C18orf54: variants seen among roughly 807,000 people sequenced by gnomAD.
C18orf54 encodes the protein lung adenoma susceptibility protein 2.
Under a neutral mutation model 49.3 loss-of-function variants are expected in C18orf54, and 49 were observed. The observed-to-expected ratio is 0.99, with a 90% CI of 0.79 to 1.26. The LOEUF is 1.26. Ranked by LOEUF, C18orf54 falls within the 50% of genes most tolerant of loss-of-function variation. C18orf54 has a pLI of 0.00. For synonymous variants in C18orf54, 211 were observed against 216.6 expected, an observed-to-expected ratio of 0.97 and a Z score of 0.23; for missense variants, 687 against 620.6, an observed-to-expected ratio of 1.11 and a Z score of -1.14.
intron 8 of C18orf54, among the ~76,000 whole-genome samples, chr18:54,374,788 A>G (rs978877401): frequency 6.6e-6 from 1 of 151,956 alleles, no homozygotes; most frequent in Admixed American, 6.5e-5. Context: ...CATGATATTG[A>G]CAGAAGAGAA....
At chr18:54,377,115 A>G (rs2089587897) in intron 8 of C18orf54, among the ~76,000 whole-genome samples, 2 of 152,020 alleles carry the variant, frequency 1.3e-5, no homozygotes, top group Non-Finnish European at 2.9e-5. Context: ...GGGTCACTGC[A>G]GTCTCCACCT....
chr18:54,361,838 G>A lies in C18orf54; in HGVS notation c.479G>A (p.Gly160Asp). Residue 160 changes from glycine (G) to aspartate (D), a missense_variant, in exon 4 of 9, where the codon GGT becomes GAT. Transcript: ENST00000620105. ...KKNKKCRGRL[G>D]SLDIEKNPHF... ...AACAAGAAATGCCGTGGAAGACTGG[G>A]TTCATTGGACATTGAGAAGAATCCA... 1 of 1,614,028 alleles carries A rather than the reference G, an allele frequency of 6.2e-7. No individual in the cohort carries two copies. Among genetic ancestry groups the A allele is most frequent in the South Asian group, 1.1e-5 (1 of 91,066 alleles).
chr18:54,372,984 C>T (rs1490236142), intron 7 of C18orf54, among the ~76,000 whole-genome samples: 1 of 151,868 alleles, frequency 6.6e-6, no homozygotes, highest in Non-Finnish European at 1.5e-5. Flanking sequence ...TTCCTTCACA[C>T]ACCTTTCTCC....
In C18orf54 at chr18:54,379,399, C is replaced by G. The variant is rs1187314086; in HGVS notation, c.*1153C>G. ...GTAGATTATTGTCAAATAGGAATTTCTAAGCACATTGAGTCAAAGCATTTT... is the reference window on the plus strand; with the variant it reads ...GTAGATTATTGTCAAATAGGAATTTGTAAGCACATTGAGTCAAAGCATTTT... On this transcript the variant is annotated 3_prime_UTR_variant, in exon 9 of 9. Coordinates refer to ENST00000620105, the MANE Select transcript of C18orf54 (RefSeq NM_001288980.2). 3 of 151,684 alleles carry G rather than the reference C, an allele frequency of 2.0e-5. No individual in the cohort carries two copies. Among genetic ancestry groups the G allele is most frequent in the African/African-American group, 7.3e-5 (3 of 41,298 alleles). The allele number at this position is 151,684 out of a possible 1,614,324, so 9.4% of individuals were successfully genotyped here. A position where few individuals can be genotyped will look rare whatever the true frequency, so the allele number is the denominator to read the frequency against.
At chr18:54,375,639 T>A (rs1380226161) in intron 8 of C18orf54, among the ~76,000 whole-genome samples, 1 of 151,926 alleles carries the variant, frequency 6.6e-6, no homozygotes, top group Non-Finnish European at 1.5e-5. Flanking sequence ...AGTCATTTAA[T>A]CACCACAAAA....
In C18orf54 at chr18:54,362,262, G is replaced by T. The variant is rs1393783086; in HGVS notation, c.903G>T (p.Arg301=). ...GTCATCAGGCACAAGGAACTTCTCG[G>T]CTTATCAATAAATTAGATTGTTTTG... is the stretch of plus-strand genomic sequence containing the variant. ...RHSHQAQGTS[R]LINKLDCFEY... is the part of the protein sequence containing the mutation. The change falls in exon 4 of 9, where the codon CGG becomes CGT. Residue 301 remains arginine (R), a synonymous_variant. Coordinates refer to ENST00000620105, the MANE Select transcript of C18orf54 (RefSeq NM_001288980.2). 1 of 1,536,264 alleles carries T rather than the reference G, an allele frequency of 6.5e-7. No individual in the cohort carries two copies. The highest frequency in any genetic ancestry group is 8.7e-7 in the Non-Finnish European group (1 of 1,146,944).
chr18:54,362,027 C>A lies in C18orf54; in HGVS notation c.668C>A (p.Ser223Ter). Residue 223 changes from serine to a stop codon, truncating the protein, a stop_gained, in exon 4 of 9, where the codon TCG (serine) becomes TAG (stop). Coordinates refer to ENST00000620105, the MANE Select transcript of C18orf54 (RefSeq NM_001288980.2). LOFTEE classifies it high-confidence loss of function. ...SESSLSFPKK[S>*]SFKDSSEHSL... The stretch of plus-strand genomic sequence containing the variant: ...TCATCTTTGTCTTTTCCCAAGAAAT[C>A]GTCTTTCAAGGACAGTTCAGAACAC... 1 of 1,592,754 alleles carries A rather than the reference C, an allele frequency of 6.3e-7. No homozygotes were observed. Among genetic ancestry groups the A allele is most frequent in the Non-Finnish European group, 8.6e-7 (1 of 1,169,414 alleles).
chr18:54,364,908 G>C (rs1203746994), intron 5 of C18orf54, among the ~76,000 whole-genome samples: 1 of 152,002 alleles, frequency 6.6e-6, no homozygotes, highest in Admixed American at 6.6e-5. Flanking sequence ...CTGAGTTCTT[G>C]AGTTACAAAC....
At chr18:54,374,338 A>G in intron 8 of C18orf54, 54 bp downstream of exon 8, 5 of 1,501,864 alleles carry the variant, frequency 3.3e-6, no homozygotes, top group African/African-American at 1.4e-5. Flanking sequence ...TTTCTTTGAC[A>G]TATGTAAAGT....
At chr18:54,361,002 A>G (rs2089258580) in intron 3 of C18orf54, 147 bp downstream of exon 3, 1 of 765,842 alleles carries the variant, frequency 1.3e-6, no homozygotes, top group African/African-American at 1.8e-5. Flanking sequence ...TTGTAAAATG[A>G]TTATATAATT....
intron 5 of C18orf54, among the ~76,000 whole-genome samples, chr18:54,365,435 G>C (rs1054461892): frequency 6.6e-6 from 1 of 151,964 alleles, no homozygotes; most frequent in Non-Finnish European, 1.5e-5. Flanking sequence ...AGCACAGTCT[G>C]TAGTTCAGGC....
In C18orf54 at chr18:54,362,814, A is replaced by G. The variant is rs758757569; in HGVS notation, c.1116A>G (p.Leu372=). The G allele has an allele frequency of 3.1e-6, 5 of 1,610,894 alleles. No homozygotes were observed. The highest frequency in any genetic ancestry group is 2.2e-5 in the South Asian group (2 of 90,198). Residue 372 remains leucine (L), a synonymous_variant, in exon 5 of 9, where the codon CTA becomes CTG. Coordinates refer to ENST00000620105, the MANE Select transcript of C18orf54 (RefSeq NM_001288980.2). Reference sequence around the variant, plus strand: ...TTATCTTGAAGGCCAAGAGAAATCTAGAGCAGTGTACTGAAGAATTACCAA... The same window carrying G: ...TTATCTTGAAGGCCAAGAGAAATCTGGAGCAGTGTACTGAAGAATTACCAA... The part of the protein sequence containing the change: ...ELLILKAKRN[L]EQCTEELPKS...
intron 6 of C18orf54, among the ~76,000 whole-genome samples, chr18:54,366,957 G>A (rs1044792434): frequency 6.6e-6 from 1 of 152,010 alleles, no homozygotes; most frequent in African/African-American, 2.4e-5. Context: ...AGTCTGATTT[G>A]TCTCGTATAA....
chr18:54,372,206 G>A lies in C18orf54; in HGVS notation c.1327-260G>A, dbSNP rs139623509. 3.2e-4 allele frequency among the ~76,000 whole-genome samples: 48 copies of A among 152,002 alleles called. No individual in the cohort carries two copies. The East Asian group carries it at 7.3e-3, about 23-fold the overall frequency. The stretch of plus-strand genomic sequence containing the variant: ...AAATTAATTTGTCATAAATATAAAC[G>A]TGCACTATTTATTTCAAAACAGCAA... On this transcript the variant is annotated intron_variant, in intron 6 of 8. Coordinates refer to ENST00000620105, the MANE Select transcript of C18orf54 (RefSeq NM_001288980.2).
chr18:54,379,791 C>T lies in C18orf54; in HGVS notation c.*1545C>T, dbSNP rs1487034844. ...AGAAAAATACACTATTAGACAAGTT[C>T]TAAAGAAGGCAAGGAGATAAAGGCA... is the stretch of plus-strand genomic sequence containing the variant. On this transcript the variant is annotated 3_prime_UTR_variant, in exon 9 of 9. Transcript: ENST00000620105. 6.6e-6 allele frequency: 1 copy of T among 151,556 alleles called. No individual in the cohort carries two copies. The highest frequency in any genetic ancestry group is 1.5e-5 in the Non-Finnish European group (1 of 67,824). The allele number at this position is 151,556 out of a possible 1,614,324, so 9.4% of individuals were successfully genotyped here.
intron 8 of C18orf54, among the ~76,000 whole-genome samples, chr18:54,375,031 T>C (rs1205579450): frequency 6.6e-6 from 1 of 151,992 alleles, no homozygotes; most frequent in African/African-American, 2.4e-5. Flanking sequence ...GTATATAGTT[T>C]TCATAGTTAA....
intron 3 of C18orf54, among the ~76,000 whole-genome samples, chr18:54,361,268 C>G (rs1158773649): frequency 6.6e-6 from 1 of 152,116 alleles, no homozygotes; most frequent in African/African-American, 2.4e-5. Context: ...GGTGAGAAAA[C>G]AAGTTATTTT....
chr18:54,372,746 G>T, intron 7 of C18orf54, 149 bp downstream of exon 7: 4 of 640,998 alleles, frequency 6.2e-6, no homozygotes, highest in Non-Finnish European at 1.0e-5. Flanking sequence ...TTTTTGTTAG[G>T]AAGTAATGTA....
At chr18:54,376,024 T>C (rs777276578) in intron 8 of C18orf54, among the ~76,000 whole-genome samples, 1 of 152,226 alleles carries the variant, frequency 6.6e-6, no homozygotes, top group Non-Finnish European at 1.5e-5. Flanking sequence ...CATCTTTTCA[T>C]ACTTCAAATA....
Sources: allele counts gnomAD v4.1 joint callset (sites outside exome capture counted in the v4.1 genomes callset), GRCh38; gene constraint gnomAD v4.1.1; transcripts MANE v1.5; gene names NCBI Gene and HGNC (gene_info 2026-07-23, HGNC 2026-07-21).